Variants in SLC25A13 observed in about 807,000 individuals in gnomAD.
SLC25A13 encodes the protein solute carrier family 25 member 13.
A neutral mutation model predicts 85.5 loss-of-function variants in SLC25A13; 70 were observed. That is an observed-to-expected ratio of 0.82 (90% CI 0.68 to 1.00). The LOEUF (loss-of-function observed/expected upper bound fraction) is 1.00. Among genes scored for constraint, SLC25A13 ranks in the 50% least tolerant of loss-of-function variants. SLC25A13 has a pLI of 0.00. For synonymous variants in SLC25A13, 259 were observed against 288.7 expected (o/e 0.90, Z 1.04); for missense variants, 765 against 819.8 (o/e 0.93, Z 0.82).
At chr7:96,228,675 C>A (rs1486297128) in intron 4 of SLC25A13, among the ~76,000 whole-genome samples, 1 of 152,188 alleles carries the variant, frequency 6.6e-6, no homozygotes, top group Admixed American at 6.5e-5. Flanking sequence ...GAGGCCAGAG[C>A]CAGCTCCCTC....
intron 6 of SLC25A13, among the ~76,000 whole-genome samples, chr7:96,191,968 T>C (rs1172548323): frequency 6.6e-6 from 1 of 152,178 alleles, no homozygotes; most frequent in Non-Finnish European, 1.5e-5. Flanking sequence ...TATCCTTCCC[T>C]AGCAAGGCAA....
chr7:96,180,816 C>T (rs1794392372), intron 11 of SLC25A13, among the ~76,000 whole-genome samples: 2 of 152,194 alleles, frequency 1.3e-5, no homozygotes, highest in South Asian at 4.1e-4. Flanking sequence ...AATTGTTGTT[C>T]TTTAATACGC....
At chr7:96,233,942 C>T (rs1796649533) in intron 4 of SLC25A13, among the ~76,000 whole-genome samples, 1 of 152,184 alleles carries the variant, frequency 6.6e-6, no homozygotes, top group African/African-American at 2.4e-5. Flanking sequence ...AACAGTCATG[C>T]CACATTCTCC....
At chr7:96,215,807 T>C (rs896618819) in intron 4 of SLC25A13, among the ~76,000 whole-genome samples, 2 of 151,772 alleles carry the variant, frequency 1.3e-5, no homozygotes, top group South Asian at 4.2e-4. Context: ...GAAAAAAAAA[T>C]AAATTATACT....
intron 14 of SLC25A13, among the ~76,000 whole-genome samples, chr7:96,144,672 T>C (rs956904614): frequency 6.6e-6 from 1 of 152,214 alleles, no homozygotes; most frequent in African/African-American, 2.4e-5. Context: ...TCAGATACCA[T>C]GGTTGGCAGC....
chr7:96,126,606 T>TTAAC (rs1177529603), intron 15 of SLC25A13, among the ~76,000 whole-genome samples: 1 of 152,186 alleles, frequency 6.6e-6, no homozygotes, highest in East Asian at 1.9e-4. Context: ...CACTCAAAGG[T>TTAAC]TAACATTCTC....
At chr7:96,179,950 C>T (rs544379683) in intron 11 of SLC25A13, among the ~76,000 whole-genome samples, 2 of 152,148 alleles carry the variant, frequency 1.3e-5, no homozygotes, top group African/African-American at 4.8e-5. Context: ...TTTTATAGTA[C>T]CATCAATGAT....
intron 9 of SLC25A13, among the ~76,000 whole-genome samples, chr7:96,186,056 G>T (rs1794631030): frequency 6.6e-6 from 1 of 152,092 alleles, no homozygotes; most frequent in Admixed American, 6.5e-5. Context: ...CAAGCCTTCT[G>T]AAATTTGCCA....
intron 2 of SLC25A13, among the ~76,000 whole-genome samples, chr7:96,287,604 G>A (rs889697676): frequency 1.3e-5 from 2 of 152,138 alleles, no homozygotes; most frequent in African/African-American, 2.4e-5. Flanking sequence ...AAGATACATC[G>A]TTCCAAACTA....
Position 96,193,074 on chromosome 7 carries a change from T to A in SLC25A13, c.578A>T (p.His193Leu), listed in dbSNP as rs1562831553. The stretch of plus-strand genomic sequence containing the variant: ...TTCTTCTACAAAAGGAGTCAAGACA[T>A]GGGGGCGGATGGTGACCATGATGTC... ...FRDIMVTIRP[H>L]VLTPFVEECL... The change falls in exon 6 of 18, where the codon CAT (histidine) becomes CTT (leucine). Residue 193 changes from histidine (H) to leucine (L), a missense_variant. By Grantham distance (99) the His-to-Leu change is moderately conservative. Coordinates refer to ENST00000265631, the MANE Select transcript of SLC25A13 (RefSeq NM_014251.3). The A allele has an allele frequency of 6.2e-7, 1 of 1,614,090 alleles. No individual in the cohort carries two copies. The highest frequency in any genetic ancestry group is 2.2e-5 in the East Asian group (1 of 44,870).
chr7:96,241,657 T>C (rs1797003221), intron 3 of SLC25A13, among the ~76,000 whole-genome samples: 1 of 152,218 alleles, frequency 6.6e-6, no homozygotes, highest in Admixed American at 6.5e-5. Flanking sequence ...TTAAGATTTT[T>C]TTCTGCTTGT....
intron 2 of SLC25A13, among the ~76,000 whole-genome samples, chr7:96,293,715 C>G (rs1438754602): frequency 6.6e-6 from 1 of 152,164 alleles, no homozygotes; most frequent in East Asian, 1.9e-4. Flanking sequence ...AAATGCAAAT[C>G]AAAACCACAG....
intron 11 of SLC25A13, among the ~76,000 whole-genome samples, chr7:96,180,029 CTGAGA>C (rs1026547512): frequency 9.9e-5 from 15 of 152,190 alleles, no homozygotes; most frequent in African/African-American, 3.4e-4. Flanking sequence ...CAATAACTCC[CTGAGA>C]TATCACCACA....
intron 13 of SLC25A13, among the ~76,000 whole-genome samples, chr7:96,168,129 A>AAAAAAAAAAG (rs1562810139): frequency 7.0e-6 from 1 of 143,570 alleles, no homozygotes; most frequent in Admixed American, 6.9e-5. Flanking sequence ...AAAAAAAAAA[A>AAAAAAAAAAG]GCACGTGTGC....
intron 3 of SLC25A13, among the ~76,000 whole-genome samples, chr7:96,276,922 T>G (rs1798473361): frequency 6.6e-6 from 1 of 152,192 alleles, no homozygotes; most frequent in South Asian, 2.1e-4. Context: ...CTCTCATACA[T>G]CTGCACATCA....
intron 3 of SLC25A13, among the ~76,000 whole-genome samples, chr7:96,245,474 T>C (rs1797154243): frequency 6.6e-6 from 1 of 152,228 alleles, no homozygotes; most frequent in African/African-American, 2.4e-5. Flanking sequence ...ACAAATCATA[T>C]TCACCATCTC....
chr7:96,172,172 G>A (rs1037595024), intron 11 of SLC25A13, among the ~76,000 whole-genome samples: 2 of 152,182 alleles, frequency 1.3e-5, no homozygotes, highest in Admixed American at 1.3e-4. Flanking sequence ...CAGCCTGAGA[G>A]GTCACTAGCT....
Position 96,186,285 on chromosome 7 carries a change from C to T in SLC25A13, c.934-1274G>A, listed in dbSNP as rs569785704. Among the ~76,000 whole-genome samples the T allele has an allele frequency of 1.6e-4, 25 of 152,018 alleles. No individual in the cohort carries two copies. In the South Asian group the frequency reaches 3.8e-3, roughly 23 times the overall value. ...TCTCTTCTAAAAATAAAAAATTAGC[C>T]GGACGTGGTGGCGCATGCCTGTAAT... On this transcript the variant is annotated intron_variant, in intron 9 of 17. Transcript: ENST00000265631.
intron 2 of SLC25A13, among the ~76,000 whole-genome samples, chr7:96,280,578 G>A (rs1798636656): frequency 6.6e-6 from 1 of 152,024 alleles, no homozygotes; most frequent in South Asian, 2.1e-4. Context: ...AACCAGGTAG[G>A]GTAACGTGCA....
Sources: allele counts gnomAD v4.1 joint callset (sites outside exome capture counted in the v4.1 genomes callset), GRCh38; gene constraint gnomAD v4.1.1; transcripts MANE v1.5; gene names NCBI Gene and HGNC (gene_info 2026-07-23, HGNC 2026-07-21).